The following RECQL5 variants were observed in gnomAD, a reference collection of about 807,000 sequenced individuals.
RECQL5 encodes the protein RecQ like helicase 5.
Under a neutral mutation model 103.4 loss-of-function variants are expected in RECQL5, and 88 were observed. That is an observed-to-expected ratio of 0.85 (90% CI 0.72 to 1.02). RECQL5 has a LOEUF of 1.02. Among genes scored for constraint, RECQL5 ranks in the 50% least tolerant of loss-of-function variants. The pLI, the probability that RECQL5 is intolerant of heterozygous loss-of-function variation, is 0.00. For synonymous variants in RECQL5, 552 were observed against 507.9 expected, an observed-to-expected ratio of 1.09 and a Z score of -1.17; for missense variants, 1,232 against 1,284.3, an observed-to-expected ratio of 0.96 and a Z score of 0.62.
At chr17:75,633,062 T>G (rs1327486407) in intron 8 of RECQL5, among the ~76,000 whole-genome samples, 1 of 152,228 alleles carries the variant, frequency 6.6e-6, no homozygotes, top group Non-Finnish European at 1.5e-5. Context: ...CTCTGAAGCC[T>G]GACCTGGGCT....
At chr17:75,630,395 G>A in intron 13 of RECQL5, 118 bp from the exon 14 acceptor site, 1 of 984,388 alleles carries the variant, frequency 1.0e-6, no homozygotes, top group Non-Finnish European at 1.5e-6. Context: ...TTCTGATTAG[G>A]GCTCTCTGAG....
At position 75,667,144 on chromosome 17, in the gene RECQL5, G is replaced by C. The variant is rs142333850; in HGVS notation, c.-115C>G. 1.8e-6 allele frequency: 1 copy of C among 558,380 alleles called. No homozygotes were observed. Among genetic ancestry groups the C allele is most frequent in the African/African-American group, 1.9e-5 (1 of 52,846 alleles). 34.6% of individuals were successfully genotyped at this position (558,380 alleles called of 1,614,324 possible). On this transcript the variant is annotated 5_prime_UTR_variant, in exon 1 of 20. Transcript: ENST00000317905. Reference sequence around the variant, plus strand: ...AACCCCAACTCAGAGAAGCCAAAGCGCTGGGAATTCAGCTTTAGGCAGAAC... The same window carrying C: ...AACCCCAACTCAGAGAAGCCAAAGCCCTGGGAATTCAGCTTTAGGCAGAAC...
intron 4 of RECQL5, among the ~76,000 whole-genome samples, chr17:75,662,084 C>T (rs2059707290): frequency 1.3e-5 from 2 of 152,258 alleles, no homozygotes; most frequent in South Asian, 2.1e-4. Context: ...TCGCTTGAAC[C>T]CAGGAGGCGG....
chr17:75,641,591 G>A (rs1270067698), intron 8 of RECQL5, among the ~76,000 whole-genome samples: 2 of 152,208 alleles, frequency 1.3e-5, no homozygotes, highest in Admixed American at 1.3e-4. Context: ...TGAAATTCCT[G>A]TCATGCATTA....
chr17:75,656,315 T>A (rs1219450016), intron 7 of RECQL5, among the ~76,000 whole-genome samples: 1 of 152,060 alleles, frequency 6.6e-6, no homozygotes, highest in African/African-American at 2.4e-5. Context: ...CGACCTCAGG[T>A]GATCTGCCCG....
chr17:75,662,579 T>C lies in RECQL5; in HGVS notation c.671A>G (p.Asn224Ser), dbSNP rs767246768. The C allele has an allele frequency of 4.3e-6, 7 of 1,614,048 alleles. No individual in the cohort carries two copies. The Admixed American group carries it at 6.7e-5, about 15-fold the overall frequency. ...CTTGAATTGCACATCATAGAAGAGGTTGGCCCGGAAGCAGGGAGTCTTGAA... is the reference window on the plus strand; with the variant it reads ...CTTGAATTGCACATCATAGAAGAGGCTGGCCCGGAAGCAGGGAGTCTTGAA... Reference protein sequence around the residue: ...AIFKTPCFRANLFYDVQFKEL... With the variant: ...AIFKTPCFRASLFYDVQFKEL... Residue 224 changes from asparagine (N) to serine (S), a missense_variant, in exon 4 of 20, where the codon AAC becomes AGC. Physicochemically the swap from Asn to Ser is conservative, Grantham distance 46 (BLOSUM62 1). Coordinates refer to ENST00000317905, the MANE Select transcript of RECQL5 (RefSeq NM_004259.7).
At position 75,631,242 on chromosome 17, in the gene RECQL5, C is replaced by T. The variant is rs772691086; in HGVS notation, c.1456G>A (p.Glu486Lys). ...TCATCCCCGCTGCCTCCAGAACCTT[C>T]GTCATACCTAGGGACAGGCCAGGCG... ...KGYGDFSRYD[E>K]GSGGSGDEGR... Residue 486 changes from glutamate (E) to lysine (K), a missense_variant, in exon 10 of 20, where the codon GAA (glutamate) becomes AAA (lysine). Physicochemically the swap from Glu to Lys is moderately conservative, Grantham distance 56. Transcript: ENST00000317905. 32 of 1,613,716 alleles carry T rather than the reference C, an allele frequency of 2.0e-5. No individual in the cohort carries two copies. Among genetic ancestry groups the T allele is most frequent in the Middle Eastern group, 1.6e-4 (1 of 6,084 alleles).
chr17:75,649,095 ATGAG>A (rs1164567109), intron 8 of RECQL5: 2 of 152,214 alleles, frequency 1.3e-5, no homozygotes, highest in African/African-American at 4.8e-5. Context: ...AAATGAATGA[ATGAG>A]TAAACACACA....
chr17:75,663,654 C>A lies in RECQL5; in HGVS notation c.253-657G>T, dbSNP rs146901153. 7.9e-5 allele frequency among the ~76,000 whole-genome samples: 12 copies of A among 152,298 alleles called. No homozygotes were observed. The East Asian group carries it at 2.3e-3, about 29-fold the overall frequency. ...CAGATTTAGATTTCATCCTGGCTCA[C>A]TTAATCGCCACATGCTCGCTGGCTG... On this transcript the variant is annotated intron_variant, in intron 3 of 19. Transcript: ENST00000317905.
intron 18 of RECQL5, 49 bp from the exon 19 acceptor site, chr17:75,627,741 C>T (rs183842814): frequency 2.3e-5 from 35 of 1,533,932 alleles, no homozygotes; most frequent in Middle Eastern, 3.7e-4. Flanking sequence ...CCTTGGTGGC[C>T]GGGCGCAGTG....
intron 8 of RECQL5, among the ~76,000 whole-genome samples, chr17:75,633,161 C>T (rs931213151): frequency 5.3e-5 from 8 of 152,260 alleles, no homozygotes; most frequent in Admixed American, 4.6e-4. Flanking sequence ...CCCAGGAGTC[C>T]GTGCGCCCGC....
chr17:75,628,876 G>A (rs780584296), intron 16 of RECQL5, 58 bp downstream of exon 16: 1 of 1,584,612 alleles, frequency 6.3e-7, no homozygotes, highest in Non-Finnish European at 8.5e-7. Flanking sequence ...CGCCCAGTGA[G>A]CAAAGGGGAT....
intron 8 of RECQL5, among the ~76,000 whole-genome samples, chr17:75,642,557 CAAAAG>C (rs2148297095): frequency 6.6e-6 from 1 of 152,256 alleles, no homozygotes; most frequent in East Asian, 1.9e-4. Flanking sequence ...TGTTTTCATA[CAAAAG>C]AAAAGAAATT....
intron 18 of RECQL5, 48 bp from the exon 19 acceptor site, chr17:75,627,740 C>A (rs754854271): frequency 1.3e-6 from 2 of 1,541,562 alleles, no homozygotes; most frequent in East Asian, 4.7e-5. Context: ...CCCTTGGTGG[C>A]CGGGCGCAGT....
intron 8 of RECQL5, among the ~76,000 whole-genome samples, chr17:75,644,859 G>A (rs1176798497): frequency 6.6e-6 from 1 of 152,054 alleles, no homozygotes; most frequent in African/African-American, 2.4e-5. Flanking sequence ...TCCAATTGGG[G>A]CCGGCAGTTA....
rs923384806 is a variant in RECQL5 at position 75,642,229 on chromosome 17, T to C, written c.1229+8957A>G. Among the ~76,000 whole-genome samples the C allele has an allele frequency of 2.0e-5, 3 of 152,316 alleles. No homozygotes were observed. The South Asian group carries it at 6.2e-4, about 32-fold the overall frequency. ...AGGCACATGGCTCCAGAAATGCCAA[T>C]GGGTCCAGACAGAGCATCCCGAGGT... is the stretch of plus-strand genomic sequence containing the variant. On this transcript the variant is annotated intron_variant, in intron 8 of 19. Coordinates refer to ENST00000317905, the MANE Select transcript of RECQL5 (RefSeq NM_004259.7).
intron 7 of RECQL5, among the ~76,000 whole-genome samples, chr17:75,657,249 G>A (rs1599048983): frequency 1.3e-5 from 2 of 152,288 alleles, no homozygotes; most frequent in East Asian, 3.9e-4. Context: ...GCCAGGTGCA[G>A]TGGCACATGC....
chr17:75,630,334 T>G, intron 13 of RECQL5, 57 bp from the exon 14 acceptor site: 5 of 1,453,214 alleles, frequency 3.4e-6, no homozygotes, highest in Non-Finnish European at 4.6e-6. Flanking sequence ...TTCTCCCTGC[T>G]GAGCTCTTGC....
rs1388501572 is a variant in RECQL5, at chr17:75,629,723, G to A, written c.1932C>T (p.Ala644=). ...CACAGCTCACCGAGTACACATGGGA[G>A]GCTGGTGGAATGTCATACTCATTGG... ...PEPNEYDIPP[A]SHVYSLKPKR... is the part of the protein sequence containing the mutation. The change falls in exon 15 of 20, where the codon GCC becomes GCT. Residue 644 remains alanine (A), a synonymous_variant. Coordinates refer to ENST00000317905, the MANE Select transcript of RECQL5 (RefSeq NM_004259.7). The A allele has an allele frequency of 1.9e-6, 3 of 1,611,622 alleles. No homozygotes were observed. The highest frequency in any genetic ancestry group is 2.5e-6 in the Non-Finnish European group (3 of 1,178,450).
Sources: gnomAD v4.1 joint callset for allele counts (sites outside exome capture counted in the v4.1 genomes callset) on GRCh38, gnomAD v4.1.1 for gene constraint, MANE v1.5 for transcripts, NCBI Gene and HGNC (gene_info 2026-07-23, HGNC 2026-07-21) for gene names.